PTPRZ1: variants seen among roughly 807,000 people sequenced by gnomAD.
PTPRZ1 encodes the protein protein tyrosine phosphatase receptor type Z1, also known as receptor-type tyrosine-protein phosphatase zeta.
In PTPRZ1, 82 loss-of-function variants were observed where a neutral mutation model predicts 214.1. The observed-to-expected ratio is 0.38, with a 90% CI of 0.32 to 0.46. PTPRZ1 has a LOEUF of 0.46. Ranked by LOEUF, PTPRZ1 falls within the 20% of genes least tolerant of loss-of-function variation. PTPRZ1 has a pLI of 1.00. For synonymous variants in PTPRZ1, 945 were observed against 987.9 expected (o/e 0.96, Z 0.81); for missense variants, 2,603 against 2,748.7 (o/e 0.95, Z 1.19).
intron 28 of PTPRZ1, 159 bp from the exon 29 acceptor site, chr7:122,059,594 A>C: frequency 1.3e-6 from 1 of 774,754 alleles, no homozygotes; most frequent in East Asian, 2.6e-5. Flanking sequence ...ATTTCAGATT[A>C]AATCATAGTT....
At chr7:121,885,820 G>A (rs1794378042) in intron 1 of PTPRZ1, among the ~76,000 whole-genome samples, 1 of 152,048 alleles carries the variant, frequency 6.6e-6, no homozygotes, top group South Asian at 2.1e-4. Flanking sequence ...ATTTGGAGAG[G>A]GAAGAAAACA....
rs575637821 is a variant in PTPRZ1, at chr7:122,033,734, G to A, written c.5167-361G>A. 9.2e-5 allele frequency: 20 copies of A among 218,562 alleles called. No individual in the cohort carries two copies. The South Asian group carries it at 1.6e-3, about 18-fold the overall frequency. The allele number at this position is 218,562 out of a possible 1,614,324, so 13.5% of individuals were successfully genotyped here. A position where few individuals can be genotyped will look rare whatever the true frequency, so the allele number is the denominator to read the frequency against. On this transcript the variant is annotated intron_variant, in intron 15 of 29. Coordinates refer to ENST00000393386, the MANE Select transcript of PTPRZ1 (RefSeq NM_002851.3). Reference sequence around the variant, plus strand: ...TCACTAATTCAGAGTTTCAAATAGTGCTACTATGGTCAAATAAAATAAAAT... The same window carrying A: ...TCACTAATTCAGAGTTTCAAATAGTACTACTATGGTCAAATAAAATAAAAT...
At chr7:121,873,986 C>G (rs891442396) in intron 1 of PTPRZ1, among the ~76,000 whole-genome samples, 1 of 151,642 alleles carries the variant, frequency 6.6e-6, no homozygotes, top group Admixed American at 6.6e-5. Flanking sequence ...CATTTTTATG[C>G]TATAGGTATG....
chr7:121,916,808 A>G (rs983752588), intron 1 of PTPRZ1, among the ~76,000 whole-genome samples: 25 of 152,202 alleles, frequency 1.6e-4, no homozygotes, highest in African/African-American at 5.8e-4. Context: ...CAAGACTTGA[A>G]GATAAGCATG....
chr7:122,039,064 A>G (rs780407034), intron 19 of PTPRZ1, among the ~76,000 whole-genome samples, 175 bp downstream of exon 19: 7 of 152,218 alleles, frequency 4.6e-5, no homozygotes. Context: ...AAAAAGTTTC[A>G]TTATGAATCA....
In PTPRZ1 at chr7:121,973,940, GAAAAA is replaced by G. The variant is rs371692415; in HGVS notation, c.456+1267_456+1271del. On this transcript the variant is annotated intron_variant, in intron 4 of 29. Transcript: ENST00000393386. ...TGGAGTGAGACGCTGTCTCAAAAAA[GAAAAA>G]AAAAAAAAAAAAAAAAAAGCAATTG... Among the ~76,000 whole-genome samples, 409 of 86,214 alleles carry G rather than the reference GAAAAA, an allele frequency of 4.7e-3. 2 individuals carry two copies. The highest frequency in any genetic ancestry group is 0.016 in the African/African-American group (383 of 23,262). 56.6% of individuals were successfully genotyped at this position (86,214 alleles called of 152,430 possible). A position where few individuals can be genotyped will look rare whatever the true frequency, so the allele number is the denominator to read the frequency against.
In PTPRZ1 at chr7:121,989,809, C is replaced by T. The variant is rs527734578; in HGVS notation, c.928+5692C>T. The stretch of plus-strand genomic sequence containing the variant: ...ATTTTTATTACATGAAATTATAAAG[C>T]GTAGAAAATATAGATAAGCACACAG... On this transcript the variant is annotated intron_variant, in intron 8 of 29. Coordinates refer to ENST00000393386, the MANE Select transcript of PTPRZ1 (RefSeq NM_002851.3). Among the ~76,000 whole-genome samples the T allele has an allele frequency of 1.2e-4, 19 of 152,014 alleles. No homozygotes were observed. In the East Asian group the frequency reaches 2.5e-3, roughly 20 times the overall value.
intron 13 of PTPRZ1, among the ~76,000 whole-genome samples, chr7:122,019,813 G>T (rs1017606091): frequency 1.3e-5 from 2 of 152,010 alleles, no homozygotes; most frequent in African/African-American, 2.4e-5. Flanking sequence ...TTTGCTTTGG[G>T]GATGAAATAT....
chr7:122,045,971 T>G (rs1181729682), intron 23 of PTPRZ1, among the ~76,000 whole-genome samples: 2 of 152,182 alleles, frequency 1.3e-5, no homozygotes, highest in African/African-American at 4.8e-5. Flanking sequence ...GAAAATTTCC[T>G]TGAAATAAGT....
chr7:121,943,375 G>T (rs981058242), intron 2 of PTPRZ1, among the ~76,000 whole-genome samples: 3 of 151,954 alleles, frequency 2.0e-5, no homozygotes, highest in Non-Finnish European at 4.4e-5. Flanking sequence ...AGTCTCTATC[G>T]CCCAGGCTGG....
intron 10 of PTPRZ1, among the ~76,000 whole-genome samples, chr7:122,002,683 T>A (rs1798366213): frequency 6.6e-6 from 1 of 152,194 alleles, no homozygotes. Flanking sequence ...GAAAATTATA[T>A]TTGCCCATTA....
Position 121,997,885 on chromosome 7 carries a change from T to C in PTPRZ1, c.1119T>C (p.Ala373=), listed in dbSNP as rs1260167546. The change falls in exon 10 of 30, where the codon GCT becomes GCC. Residue 373 remains alanine (A), a synonymous_variant. Coordinates refer to ENST00000393386, the MANE Select transcript of PTPRZ1 (RefSeq NM_002851.3). ...FLTDGYQDLG[A]ILNNLLPNMS... ...TACTAACATCTTTCTTTTAGGGTGCTATTCTCAATAATTTGCTACCCAATA... is the reference window on the plus strand; with the variant it reads ...TACTAACATCTTTCTTTTAGGGTGCCATTCTCAATAATTTGCTACCCAATA... The C allele has an allele frequency of 2.5e-6, 4 of 1,604,006 alleles. No individual in the cohort carries two copies. The African/African-American group carries it at 4.0e-5, about 16-fold the overall frequency.
chr7:122,044,174 C>G (rs1305747317), intron 22 of PTPRZ1, among the ~76,000 whole-genome samples: 1 of 152,110 alleles, frequency 6.6e-6, no homozygotes, highest in Non-Finnish European at 1.5e-5. Flanking sequence ...TTCCTGCCTC[C>G]TAACCTATTG....
At chr7:122,023,629 T>A (rs1799101774) in intron 13 of PTPRZ1, among the ~76,000 whole-genome samples, 1 of 131,808 alleles carries the variant, frequency 7.6e-6, no homozygotes, top group Admixed American at 8.6e-5. Flanking sequence ...ATATATTATA[T>A]GTATAATTTT....
At chr7:121,987,247 TCA>T (rs34483542) in intron 8 of PTPRZ1, among the ~76,000 whole-genome samples, 62,011 of 151,718 alleles carry the variant, frequency 0.41, 12,911 homozygotes, top group South Asian at 0.58. Context: ...TCAGTTCCCC[TCA>T]CAGAGTCTCA....
intron 1 of PTPRZ1, among the ~76,000 whole-genome samples, chr7:121,885,923 T>C (rs1794381369): frequency 6.6e-6 from 1 of 152,190 alleles, no homozygotes; most frequent in Non-Finnish European, 1.5e-5. Flanking sequence ...CCAAATAGTC[T>C]CTCTGCTAAT....
At chr7:121,966,312 C>T (rs920808779) in intron 2 of PTPRZ1, among the ~76,000 whole-genome samples, 2 of 152,114 alleles carry the variant, frequency 1.3e-5, no homozygotes, top group African/African-American at 4.8e-5. Flanking sequence ...TTTCTGTGCA[C>T]CACAACTATG....
chr7:121,969,660 T>A (rs187671464), intron 3 of PTPRZ1, among the ~76,000 whole-genome samples: 38 of 152,124 alleles, frequency 2.5e-4, no homozygotes, highest in Non-Finnish European at 5.0e-4. Context: ...GAATAATTTT[T>A]AAAATTATTA....
chr7:121,977,915 T>A (rs1395841726), intron 6 of PTPRZ1, among the ~76,000 whole-genome samples: 1 of 152,176 alleles, frequency 6.6e-6, no homozygotes, highest in African/African-American at 2.4e-5. Flanking sequence ...GAATTCTGAA[T>A]GTTCCAGACC....
Sources: allele counts gnomAD v4.1 joint callset (sites outside exome capture counted in the v4.1 genomes callset), GRCh38; gene constraint gnomAD v4.1.1; transcripts MANE v1.5; gene names NCBI Gene and HGNC (gene_info 2026-07-23, HGNC 2026-07-21).